Variants in SNAP47 observed in about 807,000 individuals in gnomAD.
SNAP47 encodes the protein synaptosome associated protein 47.
A neutral mutation model predicts 31.4 loss-of-function variants in SNAP47; 20 were observed. The ratio of observed to expected loss-of-function variants is 0.64; its 90% CI spans 0.45 to 0.93. The LOEUF (loss-of-function observed/expected upper bound fraction) is 0.93, where lower values mean the gene tolerates loss of function less well. SNAP47 is among the 40% of genes least tolerant of loss of function. The pLI, the probability that SNAP47 is intolerant of heterozygous loss-of-function variation, is 0.00. For missense variants in SNAP47, 492 were observed against 528.5 expected (o/e 0.93, Z 0.68); for synonymous variants, 194 against 213.4 (o/e 0.91, Z 0.79).
chr1:227,753,842 G>A (rs1662527967), intron 2 of SNAP47, among the ~76,000 whole-genome samples: 1 of 152,038 alleles, frequency 6.6e-6, no homozygotes, highest in African/African-American at 2.4e-5. Flanking sequence ...AGACAGGCAG[G>A]CTATGGGTCT....
intron 4 of SNAP47, among the ~76,000 whole-genome samples, chr1:227,778,041 C>T (rs1664261337): frequency 6.6e-6 from 1 of 152,352 alleles, no homozygotes; most frequent in African/African-American, 2.4e-5. Flanking sequence ...ATGGTAAAAA[C>T]AGAAGACAAA....
intron 1 of SNAP47, chr1:227,746,419 C>G (rs1661966799): frequency 6.6e-6 from 1 of 152,272 alleles, no homozygotes; most frequent in Non-Finnish European, 1.5e-5. Context: ...GCTGTGTCCT[C>G]ATACAATTAA....
chr1:227,733,278 C>A, upstream of SNAP47: 1 of 994,480 alleles, frequency 1.0e-6, no homozygotes, highest in Non-Finnish European at 1.4e-6. Flanking sequence ...CTCAGCGACA[C>A]CACCTTGTGA....
chr1:227,777,689 C>G (rs575968051), intron 4 of SNAP47, among the ~76,000 whole-genome samples: 2 of 152,320 alleles, frequency 1.3e-5, no homozygotes, highest in African/African-American at 4.8e-5. Flanking sequence ...CTTTGAACAT[C>G]TGGGTCAGGG....
intron 2 of SNAP47, among the ~76,000 whole-genome samples, chr1:227,748,477 T>C (rs1274595751): frequency 6.6e-6 from 1 of 152,260 alleles, no homozygotes; most frequent in Non-Finnish European, 1.5e-5. Context: ...GAGTGAGTGC[T>C]GGCTCACTGG....
intron 4 of SNAP47, chr1:227,776,298 ACTC>A: frequency 2.0e-6 from 2 of 994,230 alleles, no homozygotes; most frequent in Non-Finnish European, 2.4e-6. Context: ...TCCTTCAAGC[ACTC>A]CTTGCTCTAT....
At chr1:227,733,632 C>T (rs201688908), upstream of SNAP47, 1 of 1,604,686 alleles carries the variant, frequency 6.2e-7, no homozygotes, top group Non-Finnish European at 8.5e-7. Flanking sequence ...CTCCCACAGA[C>T]ATTGACAGAC....
chr1:227,755,058 A>G (rs1269472066), intron 2 of SNAP47, among the ~76,000 whole-genome samples: 1 of 152,174 alleles, frequency 6.6e-6, no homozygotes, highest in Non-Finnish European at 1.5e-5. Context: ...ATGCCTCATT[A>G]TGCCCTCCTC....
chr1:227,766,961 T>G lies in SNAP47; in HGVS notation c.991T>G (p.Ser331Ala), dbSNP rs773693918. Residue 331 changes from serine (S) to alanine (A), a missense_variant and splice_region_variant, in exon 4 of 5, where the codon TCT becomes GCT. Ser to Ala is a moderately conservative substitution (Grantham distance 99). Coordinates refer to ENST00000617596, the MANE Select transcript of SNAP47 (RefSeq NM_053052.4). ...EKSCSVWHAA[S>A]GLMGRTLHRE... The stretch of plus-strand genomic sequence containing the variant: ...CTGACCATCTGCTCTCCTTGCAGCA[T>G]CTGGGCTGATGGGCCGTACCCTGCA... 3 of 1,613,654 alleles carry G rather than the reference T, an allele frequency of 1.9e-6. No individual in the cohort carries two copies. In the South Asian group the frequency reaches 3.3e-5, roughly 18 times the overall value.
At chr1:227,773,470 GAAGA>G (rs1663957128) in intron 4 of SNAP47, among the ~76,000 whole-genome samples, 1 of 152,148 alleles carries the variant, frequency 6.6e-6, no homozygotes, top group East Asian at 1.9e-4. Flanking sequence ...ACCTGTTATT[GAAGA>G]AAGACTTTTT....
rs1446526495 is a variant in SNAP47, at chr1:227,741,008, C to G, written c.-46+5509C>G. Reference sequence around the variant, plus strand: ...CCTGTTAGGGTCAGGGACAGATGCCCAGCGGGTGATAGGGGAGGGCCTGTG... The same window carrying G: ...CCTGTTAGGGTCAGGGACAGATGCCGAGCGGGTGATAGGGGAGGGCCTGTG... On this transcript the variant is annotated intron_variant, in intron 1 of 4. Transcript: ENST00000617596. This position sits in a 1 kb window ranked among gnomAD's most constrained non-coding sequence, Gnocchi z 4.2. 7.0e-6 allele frequency among the ~76,000 whole-genome samples: 1 copy of G among 143,446 alleles called. No homozygotes were observed. Among genetic ancestry groups the G allele is most frequent in the Non-Finnish European group, 1.5e-5 (1 of 67,190 alleles). 94.1% of individuals were successfully genotyped at this position (143,446 alleles called of 152,430 possible). A position where few individuals can be genotyped will look rare whatever the true frequency, so the allele number is the denominator to read the frequency against.
intron 4 of SNAP47, among the ~76,000 whole-genome samples, chr1:227,769,687 C>T (rs957689591): frequency 6.6e-5 from 10 of 152,060 alleles, no homozygotes; most frequent in African/African-American, 2.2e-4. Context: ...GGGGCCCTGG[C>T]CACTGTGTCA....
At position 227,767,028 on chromosome 1, in the gene SNAP47, ACCTGCAGACAAG is replaced by A; in HGVS notation, c.1064_1075del (p.Gln355_Leu358del). On this transcript the variant is annotated inframe_deletion, in exon 4 of 5. Transcript: ENST00000617596. ...GGAGACCAGGAGGGCACAGCACTGC[ACCTGCAGACAAG>A]CCTGCCAGCCCTTTCTGAGGCAGAT... The A allele has an allele frequency of 6.2e-7, 1 of 1,614,008 alleles. No homozygotes were observed.
At position 227,741,196 on chromosome 1, in the gene SNAP47, T is replaced by C. The variant is rs1571987814; in HGVS notation, c.-46+5697T>C. Among the ~76,000 whole-genome samples the C allele has an allele frequency of 6.6e-6, 1 of 151,822 alleles. No individual in the cohort carries two copies. The highest frequency in any genetic ancestry group is 2.1e-4 in the South Asian group (1 of 4,818). The stretch of plus-strand genomic sequence containing the variant: ...CGTGAGGGAGTCTGGCTGGAGTGGG[T>C]GTTTGGGAGGCAACGGCTTGGGGGT... On this transcript the variant is annotated intron_variant, in intron 1 of 4. Coordinates refer to ENST00000617596, the MANE Select transcript of SNAP47 (RefSeq NM_053052.4). This position sits in a 1 kb window ranked among gnomAD's most constrained non-coding sequence, Gnocchi z 4.2.
upstream of SNAP47, chr1:227,734,942 G>T (rs535479654): frequency 6.7e-7 from 1 of 1,500,714 alleles, no homozygotes; most frequent in African/African-American, 1.4e-5. Flanking sequence ...CCCTCTCTAG[G>T]CGGGGGCCTC....
At chr1:227,733,931 A>G (rs1660862200), upstream of SNAP47, 5 of 1,613,874 alleles carry the variant, frequency 3.1e-6, no homozygotes, top group East Asian at 1.1e-4. Context: ...CCCCGCGTAG[A>G]CAAAGCGGTA....
At chr1:227,776,152 A>G (rs998877171) in intron 4 of SNAP47, 2 of 1,164,192 alleles carry the variant, frequency 1.7e-6, no homozygotes, top group African/African-American at 3.2e-5. Context: ...GGGTCCCACA[A>G]GCCGCTCAGG....
intron 1 of SNAP47, among the ~76,000 whole-genome samples, chr1:227,738,015 G>T (rs868367914): frequency 1.6e-4 from 24 of 151,600 alleles, no homozygotes; most frequent in South Asian, 8.3e-4. Context: ...GGTTTTTTTT[G>T]GTTTTTTTGT....
At chr1:227,758,651 C>T (rs773445667) in intron 2 of SNAP47, among the ~76,000 whole-genome samples, 2 of 152,194 alleles carry the variant, frequency 1.3e-5, no homozygotes, top group Non-Finnish European at 2.9e-5. Context: ...TTAGATAGCT[C>T]CCTAGACAGT....
Sources: allele counts gnomAD v4.1 joint callset (sites outside exome capture counted in the v4.1 genomes callset), GRCh38; gene constraint gnomAD v4.1.1; non-coding constraint Gnocchi (gnomAD v3.1); transcripts MANE v1.5; gene names NCBI Gene and HGNC (gene_info 2026-07-23, HGNC 2026-07-21).